Variants in OSBPL1A observed in about 807,000 individuals in gnomAD.
OSBPL1A encodes oxysterol-binding protein-related protein 1.
Under a neutral mutation model 137.1 loss-of-function variants are expected in OSBPL1A, and 80 were observed. The ratio of observed to expected loss-of-function variants is 0.58; its 90% CI spans 0.49 to 0.70. OSBPL1A has a LOEUF of 0.70. Ranked by LOEUF, OSBPL1A falls within the 30% of genes least tolerant of loss-of-function variation. OSBPL1A has a pLI of 0.00. For synonymous variants in OSBPL1A, 365 were observed against 389.7 expected (o/e 0.94, Z 0.75); for missense variants, 970 against 1,129.4 (o/e 0.86, Z 2.02).
chr18:24,396,483 A>T (rs566276567), intron 1 of OSBPL1A, among the ~76,000 whole-genome samples: 1 of 152,188 alleles, frequency 6.6e-6, no homozygotes, highest in Non-Finnish European at 1.5e-5. Flanking sequence ...CCGTTGCTCA[A>T]TGCTGGAGAA....
Position 24,368,369 on chromosome 18 carries a change from C to T in OSBPL1A, c.125G>A (p.Arg42Lys), listed in dbSNP as rs1219323966. ...TGTCCAGCCCAAGTTAGACTTACTTCTTCCTAAAAATGGAAAAATATAAGG... is the reference window on the plus strand; with the variant it reads ...TGTCCAGCCCAAGTTAGACTTACTTTTTCCTAAAAATGGAAAAATATAAGG... Reference protein sequence around the residue: ...EVIADINCKGRSKSNLGWTPL... With the variant: ...EVIADINCKGKSKSNLGWTPL... The change falls in exon 3 of 28, where the codon AGA becomes AAA. Residue 42 changes from arginine (R) to lysine (K), a missense_variant. Around this residue, in one of 2 missense-constraint regions of OSBPL1A, gnomAD observed 647 missense variants for 672.6 expected, o/e 0.96. Transcript: ENST00000319481. The T allele has an allele frequency of 3.7e-6, 6 of 1,611,134 alleles. No homozygotes were observed. Among genetic ancestry groups the T allele is most frequent in the Non-Finnish European group, 4.2e-6 (5 of 1,177,828 alleles).
At chr18:24,318,395 CCA>C (rs2146121706) in intron 9 of OSBPL1A, among the ~76,000 whole-genome samples, 1 of 151,938 alleles carries the variant, frequency 6.6e-6, no homozygotes, top group Non-Finnish European at 1.5e-5. Context: ...AGTGAGTATA[CCA>C]CTGCACTCTA....
chr18:24,167,791 G>A (rs979741461), intron 24 of OSBPL1A, among the ~76,000 whole-genome samples: 3 of 152,212 alleles, frequency 2.0e-5, no homozygotes, highest in African/African-American at 7.2e-5. Flanking sequence ...ACATATCCCT[G>A]TCCTTAGGAA....
chr18:24,366,390 C>A (rs1009195298), intron 4 of OSBPL1A: 2 of 152,146 alleles, frequency 1.3e-5, no homozygotes, highest in African/African-American at 4.8e-5. Context: ...CCCCTCTACC[C>A]TCCCTGGAGG....
intron 16 of OSBPL1A, among the ~76,000 whole-genome samples, chr18:24,235,804 C>A (rs1332979897): frequency 6.6e-6 from 1 of 152,168 alleles, no homozygotes; most frequent in African/African-American, 2.4e-5. Context: ...ATCTCTGGAA[C>A]CTGTGAATAT....
intron 14 of OSBPL1A, among the ~76,000 whole-genome samples, chr18:24,285,153 A>G (rs1265594326): frequency 2.6e-5 from 4 of 152,326 alleles, no homozygotes; most frequent in African/African-American, 7.2e-5. Context: ...TTATAGGGGC[A>G]TGAGGCATTG....
At chr18:24,169,413 C>G (rs547687174) in intron 24 of OSBPL1A, among the ~76,000 whole-genome samples, 4 of 152,120 alleles carry the variant, frequency 2.6e-5, no homozygotes, top group Non-Finnish European at 5.9e-5. Context: ...CTAATGAGCT[C>G]GCAGATGATG....
Position 24,368,628 on chromosome 18 carries a change from G to C in OSBPL1A, c.122-256C>G, listed in dbSNP as rs77392328. 2.7e-3 allele frequency: 892 copies of C among 326,536 alleles called. 20 individuals carry two copies. In the East Asian group the frequency reaches 0.043, roughly 16 times the overall value. 20.2% of individuals were successfully genotyped at this position (326,536 alleles called of 1,614,324 possible). A position where few individuals can be genotyped will look rare whatever the true frequency, so the allele number is the denominator to read the frequency against. On this transcript the variant is annotated intron_variant, in intron 2 of 27. Transcript: ENST00000319481. ...GGGAGACAGGACGGGGGTTACATTC[G>C]AGCTAGATGATCTCTAGCAGCTTCT...
intron 15 of OSBPL1A, among the ~76,000 whole-genome samples, chr18:24,246,879 GA>G (rs1432598091): frequency 6.6e-6 from 1 of 150,822 alleles, no homozygotes; most frequent in East Asian, 1.9e-4. Context: ...GAAATGATGA[GA>G]AGTGGTCAGA....
intron 17 of OSBPL1A, among the ~76,000 whole-genome samples, chr18:24,217,195 T>C (rs2087729206): frequency 6.6e-6 from 1 of 151,894 alleles, no homozygotes; most frequent in Admixed American, 6.6e-5. Context: ...GGAACCAATA[T>C]ATAGATCATT....
chr18:24,279,150 C>T (rs991411379), intron 15 of OSBPL1A, among the ~76,000 whole-genome samples: 1 of 150,904 alleles, frequency 6.6e-6, no homozygotes, highest in Non-Finnish European at 1.5e-5. Context: ...CATGGAGGCT[C>T]GTGCCTGTAA....
At chr18:24,206,934 C>T (rs544231480) in intron 17 of OSBPL1A, among the ~76,000 whole-genome samples, 12 of 152,278 alleles carry the variant, frequency 7.9e-5, no homozygotes, top group African/African-American at 2.9e-4. Context: ...ATGTCTTATT[C>T]TCCTCTGTGT....
At chr18:24,311,358 C>T (rs1181005317) in intron 13 of OSBPL1A, 4 of 518,556 alleles carry the variant, frequency 7.7e-6, no homozygotes, top group African/African-American at 2.1e-5. Flanking sequence ...CTAATTCTTC[C>T]GAACTCAATT....
rs764724916 is a variant in OSBPL1A at position 24,225,173 on chromosome 18, A to G, written c.1470T>C (p.Ser490=). Residue 490 remains serine (S), a synonymous_variant, in exon 17 of 28, where the codon AGT becomes AGC. Coordinates refer to ENST00000319481, the MANE Select transcript of OSBPL1A (RefSeq NM_080597.4). ...LSDSESERSL[S]RLEAVTARSF... ...AGCGTGCTGTCACTGCTTCCAATCT[A>G]CTCAGGGACCTTTCGGACTCGGAAT... The G allele has an allele frequency of 5.0e-6, 8 of 1,613,856 alleles. No individual in the cohort carries two copies. The highest frequency in any genetic ancestry group is 6.8e-6 in the Non-Finnish European group (8 of 1,179,918).
intron 15 of OSBPL1A, among the ~76,000 whole-genome samples, chr18:24,247,841 A>G (rs9959834): frequency 0.05 from 7,655 of 152,254 alleles, 269 homozygotes; most frequent in African/African-American, 0.086. Flanking sequence ...TTAAAAAAAT[A>G]ATTTCTGCTC....
chr18:24,239,473 A>G, intron 15 of OSBPL1A, 91 bp from the exon 16 acceptor site: 1 of 1,144,880 alleles, frequency 8.7e-7, no homozygotes, highest in Non-Finnish European at 1.2e-6. Flanking sequence ...CTTTTGATCC[A>G]GTTCAACTGC....
chr18:24,306,417 T>A (rs1245958202), intron 13 of OSBPL1A, among the ~76,000 whole-genome samples: 1 of 152,238 alleles, frequency 6.6e-6, no homozygotes, highest in East Asian at 1.9e-4. Context: ...CCAGGCTATT[T>A]GCTGCAGAAA....
intron 15 of OSBPL1A, among the ~76,000 whole-genome samples, chr18:24,261,017 T>C (rs1384203290): frequency 6.6e-6 from 1 of 152,098 alleles, no homozygotes; most frequent in African/African-American, 2.4e-5. Context: ...TCCATCAACA[T>C]GTGAATGGAT....
In OSBPL1A at chr18:24,185,335, T is replaced by C. The variant is rs574899789; in HGVS notation, c.1678-4056A>G. On this transcript the variant is annotated intron_variant, in intron 18 of 27. Transcript: ENST00000319481. ...GTTCACCAATTCTTTTTTCTTTTTT[T>C]TTTTTTTTTTGAGACTGAGTCTCGC... Among the ~76,000 whole-genome samples, 25 of 125,202 alleles carry C rather than the reference T, an allele frequency of 2.0e-4. 1 individual carries two copies. The South Asian group carries it at 4.8e-3, about 24-fold the overall frequency. The allele number at this position is 125,202 out of a possible 152,430, so 82.1% of individuals were successfully genotyped here.
Sources: gnomAD v4.1 joint callset for allele counts (sites outside exome capture counted in the v4.1 genomes callset) on GRCh38, gnomAD v4.1.1 for gene constraint, gnomAD v4.1.1 regional missense constraint, MANE v1.5 for transcripts, NCBI Gene and HGNC (gene_info 2026-07-23, HGNC 2026-07-21) for gene names.